Variants in ERC2 observed in about 807,000 individuals in gnomAD.
ERC2 encodes ERC protein 2.
ERC2 carries 42 observed loss-of-function variants against 114.8 expected under a neutral mutation model. That is an observed-to-expected ratio of 0.37 (90% CI 0.29 to 0.47). ERC2 has a LOEUF of 0.47. Ranked by LOEUF, ERC2 falls within the 20% of genes least tolerant of loss-of-function variation. ERC2 has a pLI of 0.99. For missense variants in ERC2, 939 were observed against 1,150.7 expected, an observed-to-expected ratio of 0.82 and a Z score of 2.66; for synonymous variants, 454 against 425.5, an observed-to-expected ratio of 1.07 and a Z score of -0.82.
intron 6 of ERC2, among the ~76,000 whole-genome samples, chr3:56,116,781 C>A (rs2079262386): frequency 6.6e-6 from 1 of 152,272 alleles, no homozygotes; most frequent in South Asian, 2.1e-4. Context: ...ATGCTCCAGC[C>A]TGAAGGAATT....
chr3:55,714,663 GTGTGTATATATATATATATATATA>G (rs1486889262), intron 15 of ERC2, among the ~76,000 whole-genome samples: 5,893 of 92,186 alleles, frequency 0.064, 256 homozygotes, highest in Admixed American at 0.14. Flanking sequence ...GTGTGTGTGT[GTGTGTATATATATATATATATATA>G]TATATATATA....
intron 16 of ERC2, among the ~76,000 whole-genome samples, chr3:55,686,356 T>A (rs1328529323): frequency 1.3e-5 from 2 of 152,200 alleles, no homozygotes; most frequent in Non-Finnish European, 2.9e-5. Flanking sequence ...AAGTTTAAAG[T>A]TTTTAAAAGA....
intron 3 of ERC2, among the ~76,000 whole-genome samples, chr3:56,179,560 T>C (rs185503484): frequency 1.3e-5 from 2 of 152,066 alleles, no homozygotes; most frequent in Admixed American, 6.5e-5. Flanking sequence ...CCTTGGACCA[T>C]GGTAGCAGAG....
At chr3:55,581,967 C>A (rs867429745) in intron 17 of ERC2, among the ~76,000 whole-genome samples, 3 of 152,278 alleles carry the variant, frequency 2.0e-5, no homozygotes, top group Middle Eastern at 3.4e-3. Context: ...TGTCCCCTCC[C>A]CACATTCCAA....
At chr3:55,518,729 T>C (rs1009032907) in intron 17 of ERC2, among the ~76,000 whole-genome samples, 2 of 152,222 alleles carry the variant, frequency 1.3e-5, no homozygotes, top group African/African-American at 2.4e-5. Flanking sequence ...ATTTTAAAAA[T>C]ACAATGATGT....
At chr3:56,112,291 T>C (rs563626655) in intron 6 of ERC2, among the ~76,000 whole-genome samples, 13 of 152,314 alleles carry the variant, frequency 8.5e-5, no homozygotes, top group Middle Eastern at 6.8e-3. Flanking sequence ...AAAGGCAGCA[T>C]ATAACCAAGA....
rs945257691 is a variant in ERC2, at chr3:56,074,169, C to G, written c.1641+6648G>C. Among the ~76,000 whole-genome samples, 36 of 152,220 alleles carry G rather than the reference C, an allele frequency of 2.4e-4. 1 individual carries two copies. Among genetic ancestry groups the G allele is most frequent in the South Asian group, 2.1e-4 (1 of 4,820 alleles). On this transcript the variant is annotated intron_variant, in intron 7 of 17. Transcript: ENST00000288221. ...CTCATGAGGGAAGCAGGATCATAAA[C>G]TAGGAAAAACACCAGAATAGTGTGG...
intron 7 of ERC2, among the ~76,000 whole-genome samples, chr3:56,080,215 G>A (rs757604514): frequency 5.9e-5 from 9 of 152,144 alleles, no homozygotes; most frequent in Non-Finnish European, 8.8e-5. Context: ...AGAAAATCGG[G>A]AATGCTATCA....
intron 16 of ERC2, among the ~76,000 whole-genome samples, chr3:55,690,027 C>G (rs1263754844): frequency 6.6e-6 from 1 of 152,034 alleles, no homozygotes; most frequent in Non-Finnish European, 1.5e-5. Context: ...AAGCTGAAGG[C>G]AAAATGGTGT....
At chr3:55,578,787 C>A (rs1393724334) in intron 17 of ERC2, among the ~76,000 whole-genome samples, 1 of 152,138 alleles carries the variant, frequency 6.6e-6, no homozygotes, top group Non-Finnish European at 1.5e-5. Context: ...CTTGGCAGGG[C>A]TCTTTCACAC....
At chr3:55,800,070 T>C (rs1023176150) in intron 14 of ERC2, among the ~76,000 whole-genome samples, 2 of 152,314 alleles carry the variant, frequency 1.3e-5, no homozygotes, top group East Asian at 3.9e-4. Context: ...TAGTGAGAGC[T>C]TGTAGTCAGT....
At position 56,435,167 on chromosome 3, in the gene ERC2, A is replaced by G. The variant is rs2061961073; in HGVS notation, c.-140-20T>C. On this transcript the variant is annotated intron_variant, in intron 1 of 17. Transcript: ENST00000288221. ...AGAGATCTACAAAGTGAAAAAAAGAATAATTAAAAACAAATTTCTTTAGAA... is the reference window on the plus strand; with the variant it reads ...AGAGATCTACAAAGTGAAAAAAAGAGTAATTAAAAACAAATTTCTTTAGAA... The G allele has an allele frequency of 1.6e-6, 1 of 607,996 alleles. No individual in the cohort carries two copies. The highest frequency in any genetic ancestry group is 1.9e-5 in the African/African-American group (1 of 54,050). 37.7% of individuals were successfully genotyped at this position (607,996 alleles called of 1,614,324 possible). A position where few individuals can be genotyped will look rare whatever the true frequency, so the allele number is the denominator to read the frequency against.
At chr3:55,676,441 C>CTTATTATTA (rs71619901) in intron 17 of ERC2, among the ~76,000 whole-genome samples, 8,925 of 142,078 alleles carry the variant, frequency 0.063, 348 homozygotes, top group African/African-American at 0.11. Flanking sequence ...TACTGAGCTG[C>CTTATTATTA]TTATTATTAT....
chr3:56,095,075 A>G (rs2077984222), intron 6 of ERC2, among the ~76,000 whole-genome samples: 2 of 152,270 alleles, frequency 1.3e-5, no homozygotes, highest in South Asian at 4.1e-4. Context: ...CAACGTAGCA[A>G]GACCTCATTT....
intron 3 of ERC2, among the ~76,000 whole-genome samples, chr3:56,210,805 G>C (rs2049011055): frequency 2.0e-5 from 3 of 152,042 alleles, no homozygotes; most frequent in Admixed American, 2.0e-4. Context: ...ATCTACATTT[G>C]AATATCTACC....
chr3:56,046,308 T>C (rs1010529617), intron 7 of ERC2, among the ~76,000 whole-genome samples: 1 of 152,142 alleles, frequency 6.6e-6, no homozygotes, highest in African/African-American at 2.4e-5. Flanking sequence ...TTCACTGCCA[T>C]TTAGGAGATA....
chr3:55,894,552 C>T (rs186684730), intron 13 of ERC2, among the ~76,000 whole-genome samples: 8 of 152,200 alleles, frequency 5.3e-5, no homozygotes, highest in African/African-American at 1.9e-4. Flanking sequence ...AACATTATAC[C>T]CAACAGGTAC....
At chr3:56,401,760 T>C (rs920436817) in intron 2 of ERC2, among the ~76,000 whole-genome samples, 2 of 152,204 alleles carry the variant, frequency 1.3e-5, no homozygotes, top group Non-Finnish European at 2.9e-5. Context: ...AACCTAGTGG[T>C]GTTAGACTGC....
intron 4 of ERC2, among the ~76,000 whole-genome samples, chr3:56,167,060 C>A (rs1013108173): frequency 6.6e-6 from 1 of 152,028 alleles, no homozygotes; most frequent in African/African-American, 2.4e-5. Flanking sequence ...CTTATAGTTC[C>A]CACTGTTTAT....
Sources: gnomAD v4.1 joint callset for allele counts (sites outside exome capture counted in the v4.1 genomes callset) on GRCh38, gnomAD v4.1.1 for gene constraint, MANE v1.5 for transcripts, NCBI Gene and HGNC (gene_info 2026-07-23, HGNC 2026-07-21) for gene names.